MALRD1: variants seen among roughly 807,000 people sequenced by gnomAD.
MALRD1 encodes the protein MAM and LDL-receptor class A domain-containing protein 1.
Under a neutral mutation model 242.1 loss-of-function variants are expected in MALRD1, and 247 were observed. The observed-to-expected ratio is 1.02, with a 90% confidence interval of 0.92 to 1.13. The LOEUF (loss-of-function observed/expected upper bound fraction) is 1.13, where lower values mean the gene tolerates loss of function less well. Among genes scored for constraint, MALRD1 ranks in the 50% most tolerant of loss-of-function variants. MALRD1 has a pLI of 0.00. For missense variants in MALRD1, 2,989 were observed against 2,533.1 expected, an observed-to-expected ratio of 1.18 and a Z score of -3.86; for synonymous variants, 995 against 866.6, an observed-to-expected ratio of 1.15 and a Z score of -2.60.
intron 7 of MALRD1, among the ~76,000 whole-genome samples, chr10:19,127,710 G>A (rs1022913839): frequency 4.6e-5 from 7 of 152,056 alleles, no homozygotes; most frequent in Non-Finnish European, 7.4e-5. Flanking sequence ...CATAGGTGAC[G>A]TTTAAAAGGA....
rs145240684 is a variant in MALRD1 at position 19,122,786 on chromosome 10, C to T, written c.695-706C>T. ...TGTCACCCAGGGTGGAGTGAAGTGG[C>T]GTGATCTTTGCTCACTGCAACCTCC... On this transcript the variant is annotated intron_variant, in intron 5 of 39. Transcript: ENST00000454679. Among the ~76,000 whole-genome samples, 227 of 152,096 alleles carry T rather than the reference C, an allele frequency of 1.5e-3. 5 individuals carry two copies. In the East Asian group the frequency reaches 0.038, roughly 25 times the overall value.
At chr10:19,063,913 T>G (rs940504046) in intron 1 of MALRD1, among the ~76,000 whole-genome samples, 1 of 151,932 alleles carries the variant, frequency 6.6e-6, no homozygotes, top group Non-Finnish European at 1.5e-5. Flanking sequence ...CTGCACATTG[T>G]GCACATGTAC....
At chr10:19,300,228 G>A (rs1359950683) in intron 21 of MALRD1, among the ~76,000 whole-genome samples, 3 of 151,762 alleles carry the variant, frequency 2.0e-5, no homozygotes, top group Non-Finnish European at 4.4e-5. Flanking sequence ...GATGACACAA[G>A]CAAACGGAAA....
At position 19,209,448 on chromosome 10, in the gene MALRD1, A is replaced by C; in HGVS notation, c.2759A>C (p.Gln920Pro). The C allele has an allele frequency of 6.4e-7, 1 of 1,550,946 alleles. No individual in the cohort carries two copies. Among genetic ancestry groups the C allele is most frequent in the Non-Finnish European group, 8.7e-7 (1 of 1,147,070 alleles). Residue 920 changes from glutamine (Q) to proline (P), a missense_variant, in exon 18 of 40, where the codon CAG becomes CCG. Coordinates refer to ENST00000454679, the MANE Select transcript of MALRD1 (RefSeq NM_001142308.3). ...HYLYIESSEP[Q>P]AFQDSAALLS... is the part of the protein sequence containing the mutation. The stretch of plus-strand genomic sequence containing the variant: ...CTCTACATAGAATCTTCAGAGCCAC[A>C]GGCTTTTCAAGACAGTGCTGCCTTA...
At position 19,222,341 on chromosome 10, in the gene MALRD1, T is replaced by C. The variant is rs561744956; in HGVS notation, c.2991+12661T>C. Among the ~76,000 whole-genome samples, 3 of 152,226 alleles carry C rather than the reference T, an allele frequency of 2.0e-5. No individual in the cohort carries two copies. The South Asian group carries it at 6.2e-4, about 32-fold the overall frequency. On this transcript the variant is annotated intron_variant, in intron 18 of 39. Coordinates refer to ENST00000454679, the MANE Select transcript of MALRD1 (RefSeq NM_001142308.3). ...GGCGGCCACCTCTGATGTTGCAGAT[T>C]TTTGCCGTGATTATGCTCTCCAGCC...
At chr10:19,128,736 A>G (rs1837359954) in intron 8 of MALRD1, among the ~76,000 whole-genome samples, 1 of 152,186 alleles carries the variant, frequency 6.6e-6, no homozygotes, top group South Asian at 2.1e-4. Context: ...TCTGTATATC[A>G]TTAGAACTAT....
chr10:19,151,905 G>T (rs1833959251), intron 11 of MALRD1, among the ~76,000 whole-genome samples: 1 of 152,040 alleles, frequency 6.6e-6, no homozygotes, highest in African/African-American at 2.4e-5. Context: ...TATTCTATAT[G>T]GTAATGCTTG....
intron 31 of MALRD1, among the ~76,000 whole-genome samples, chr10:19,508,423 A>AGAAAGGTT (rs1434406940): frequency 6.6e-6 from 1 of 152,220 alleles, no homozygotes; most frequent in Non-Finnish European, 1.5e-5. Context: ...TAGAAAGGTT[A>AGAAAGGTT]AAAAGCTTTA....
chr10:19,254,686 G>A, intron 18 of MALRD1, among the ~76,000 whole-genome samples: 1 of 151,568 alleles, frequency 6.6e-6, no homozygotes, highest in Non-Finnish European at 1.5e-5. Flanking sequence ...CATTATATTT[G>A]AGACAGAAAT....
At chr10:19,100,529 G>T (rs1407878406) in intron 4 of MALRD1, among the ~76,000 whole-genome samples, 1 of 150,052 alleles carries the variant, frequency 6.7e-6, no homozygotes, top group Non-Finnish European at 1.5e-5. Flanking sequence ...AAATGAGAAT[G>T]GAAGAGAAAG....
At chr10:19,547,470 TA>T (rs1007822553) in intron 32 of MALRD1, among the ~76,000 whole-genome samples, 6 of 151,066 alleles carry the variant, frequency 4.0e-5, no homozygotes, top group African/African-American at 9.7e-5. Flanking sequence ...AGCAATGCTT[TA>T]AAAAAAAATC....
chr10:19,302,800 G>T (rs1471283891), intron 21 of MALRD1, among the ~76,000 whole-genome samples: 1 of 151,386 alleles, frequency 6.6e-6, no homozygotes, highest in Non-Finnish European at 1.5e-5. Flanking sequence ...AAAATAAAAA[G>T]GAGGTAAATA....
At chr10:19,263,203 T>G (rs2131824701) in intron 19 of MALRD1, among the ~76,000 whole-genome samples, 1 of 152,328 alleles carries the variant, frequency 6.6e-6, no homozygotes, top group South Asian at 2.1e-4. Context: ...TTTTAAATTT[T>G]TTGAGCAACC....
chr10:19,326,454 A>C (rs927644418), intron 22 of MALRD1, among the ~76,000 whole-genome samples: 4 of 152,094 alleles, frequency 2.6e-5, no homozygotes, highest in African/African-American at 9.6e-5. Flanking sequence ...TTGCATTAGT[A>C]AGTTTCTTGA....
chr10:19,734,192 C>T lies in MALRD1; in HGVS notation c.6426C>T (p.Gly2142=). The T allele has an allele frequency of 6.5e-7, 1 of 1,535,860 alleles. No individual in the cohort carries two copies. The highest frequency in any genetic ancestry group is 8.7e-7 in the Non-Finnish European group (1 of 1,146,748). Residue 2142 remains glycine, a synonymous_variant, in exon 40 of 40, where the codon GGC becomes GGT. Transcript: ENST00000454679. Reference sequence around the variant, plus strand: ...ATTCCTTCTCAAACCCATTATATGGCACAACATCAGGAAGCCTGGAGACCC... The same window carrying T: ...ATTCCTTCTCAAACCCATTATATGGTACAACATCAGGAAGCCTGGAGACCC... ...SVYSFSNPLY[G]TTSGSLETLS...
rs188025118 is a variant in MALRD1, at chr10:19,495,142, A to T, written c.5159-3343A>T. Among the ~76,000 whole-genome samples the T allele has an allele frequency of 2.1e-3, 317 of 152,140 alleles. 2 individuals are homozygous for T. The highest frequency in any genetic ancestry group is 6.3e-3 in the African/African-American group (260 of 41,528). The stretch of plus-strand genomic sequence containing the variant: ...CAAGTGTCTACCACCACACCCAGCT[A>T]ATTTTTCTATTTTTAGTAGAGATGG... On this transcript the variant is annotated intron_variant, in intron 30 of 39. Coordinates refer to ENST00000454679, the MANE Select transcript of MALRD1 (RefSeq NM_001142308.3).
chr10:19,564,597 T>C (rs1489287330), intron 32 of MALRD1, among the ~76,000 whole-genome samples: 3 of 152,168 alleles, frequency 2.0e-5, no homozygotes, highest in Admixed American at 2.0e-4. Context: ...TTAAAAAATA[T>C]TAAAATAGAA....
At chr10:19,229,529 C>A (rs1837958521) in intron 18 of MALRD1, among the ~76,000 whole-genome samples, 1 of 152,132 alleles carries the variant, frequency 6.6e-6, no homozygotes, top group Admixed American at 6.6e-5. Flanking sequence ...CTTAATCATG[C>A]CTTTCATGCT....
chr10:19,547,277 G>A (rs768548765), intron 32 of MALRD1, among the ~76,000 whole-genome samples: 10 of 152,004 alleles, frequency 6.6e-5, no homozygotes, highest in Non-Finnish European at 1.0e-4. Flanking sequence ...GTAGCTATAC[G>A]TTTTTTCAGT....
Sources: gnomAD v4.1 joint callset for allele counts (sites outside exome capture counted in the v4.1 genomes callset) on GRCh38, gnomAD v4.1.1 for gene constraint, MANE v1.5 for transcripts, NCBI Gene and HGNC (gene_info 2026-07-23, HGNC 2026-07-21) for gene names.